Variants in MAD1L1 observed in about 807,000 individuals in gnomAD.
MAD1L1 encodes mitotic spindle assembly checkpoint protein MAD1.
MAD1L1 carries 95 observed loss-of-function variants against 96.9 expected under a neutral mutation model. The observed-to-expected ratio is 0.98, with a 90% CI of 0.83 to 1.16. MAD1L1 has a LOEUF of 1.16. Among genes scored for constraint, MAD1L1 ranks in the 50% most tolerant of loss-of-function variants. The pLI, the probability that MAD1L1 is intolerant of heterozygous loss-of-function variation, is 0.00. For synonymous variants in MAD1L1, 473 were observed against 396.6 expected, an observed-to-expected ratio of 1.19 and a Z score of -2.29; for missense variants, 1,007 against 954.4, an observed-to-expected ratio of 1.06 and a Z score of -0.73.
intron 10 of MAD1L1, among the ~76,000 whole-genome samples, chr7:2,158,362 G>C (rs866615068): frequency 6.6e-6 from 1 of 152,170 alleles, no homozygotes; most frequent in Non-Finnish European, 1.5e-5. Context: ...AGAGGACTCC[G>C]AGGTGGAAAA....
intron 14 of MAD1L1, among the ~76,000 whole-genome samples, chr7:1,983,584 T>C (rs1177567211): frequency 6.6e-6 from 1 of 152,256 alleles, no homozygotes; most frequent in Non-Finnish European, 1.5e-5. Context: ...TAATTCTCAA[T>C]TTTTTAATTT....
intron 11 of MAD1L1, among the ~76,000 whole-genome samples, chr7:2,129,906 C>T (rs1339556158): frequency 6.6e-6 from 1 of 152,182 alleles, no homozygotes; most frequent in Non-Finnish European, 1.5e-5. Flanking sequence ...CTCATGGTTC[C>T]CATGGCACCC....
chr7:2,163,679 C>T (rs932936884), intron 10 of MAD1L1, among the ~76,000 whole-genome samples: 10 of 152,214 alleles, frequency 6.6e-5, no homozygotes, highest in Middle Eastern at 3.4e-3. Context: ...CACTTTTCTA[C>T]GTATAATGCA....
intron 17 of MAD1L1, among the ~76,000 whole-genome samples, chr7:1,904,118 C>G (rs370352143): frequency 8.3e-4 from 78 of 94,178 alleles, no homozygotes; most frequent in African/African-American, 9.7e-4. Flanking sequence ...CAAGATTGAT[C>G]AAGCACTGTT....
intron 12 of MAD1L1, among the ~76,000 whole-genome samples, chr7:2,068,113 G>A (rs370679544): frequency 3.1e-4 from 48 of 152,388 alleles, no homozygotes; most frequent in Non-Finnish European, 5.9e-4. Context: ...AGCTCCGGCT[G>A]AAAAGCCATG....
intron 11 of MAD1L1, among the ~76,000 whole-genome samples, chr7:2,141,500 T>C (rs1306697940): frequency 6.6e-6 from 1 of 152,154 alleles, no homozygotes; most frequent in African/African-American, 2.4e-5. Context: ...ACCGGGTCTA[T>C]GTCCCCCAAC....
At chr7:1,882,634 C>A (rs1235275526) in intron 18 of MAD1L1, among the ~76,000 whole-genome samples, 1 of 152,190 alleles carries the variant, frequency 6.6e-6, no homozygotes, top group Non-Finnish European at 1.5e-5. Flanking sequence ...AGGCCTGGAG[C>A]GTGAGCACCT....
rs1215673370 is a variant in MAD1L1, at chr7:2,097,870, T to C, written c.1074-28532A>G. 2.6e-5 allele frequency among the ~76,000 whole-genome samples: 4 copies of C among 152,346 alleles called. No homozygotes were observed. In the East Asian group the frequency reaches 7.7e-4, roughly 29 times the overall value. On this transcript the variant is annotated intron_variant, in intron 11 of 18. Coordinates refer to ENST00000265854, the MANE Select transcript of MAD1L1 (RefSeq NM_001013836.2). ...CATTCTGAGGCTCATGCCTGGGCAG[T>C]GTTCCTCAGCAAGGGACGAGGGCCG...
At chr7:2,102,446 GCTA>G (rs951011271) in intron 11 of MAD1L1, among the ~76,000 whole-genome samples, 6 of 77,086 alleles carry the variant, frequency 7.8e-5, no homozygotes, top group South Asian at 1.3e-3. Context: ...CACCACCACT[GCTA>G]CTGTCACCAC....
At chr7:1,962,437 T>C (rs1779992325) in intron 15 of MAD1L1, among the ~76,000 whole-genome samples, 1 of 152,194 alleles carries the variant, frequency 6.6e-6, no homozygotes, top group African/African-American at 2.4e-5. Flanking sequence ...GGATCATATA[T>C]AACAGAAAAC....
At chr7:2,155,743 T>C (rs1212003645) in intron 10 of MAD1L1, among the ~76,000 whole-genome samples, 1 of 152,184 alleles carries the variant, frequency 6.6e-6, no homozygotes, top group Non-Finnish European at 1.5e-5. Context: ...TTGGCTGTTG[T>C]GAATAATGCT....
chr7:2,111,419 C>T (rs958619489), intron 11 of MAD1L1, among the ~76,000 whole-genome samples: 10 of 152,114 alleles, frequency 6.6e-5, no homozygotes, highest in African/African-American at 2.2e-4. Context: ...GAGCGTGCCT[C>T]GGAATGAATG....
At chr7:1,935,459 A>ACTCCAGGAG (rs1778541993) in intron 17 of MAD1L1, among the ~76,000 whole-genome samples, 1 of 152,170 alleles carries the variant, frequency 6.6e-6, no homozygotes, top group Non-Finnish European at 1.5e-5. Flanking sequence ...ACCACCCGCT[A>ACTCCAGGAG]GCCAGCCACT....
chr7:2,113,707 C>T (rs916958785), intron 11 of MAD1L1, among the ~76,000 whole-genome samples: 1 of 152,190 alleles, frequency 6.6e-6, no homozygotes, highest in African/African-American at 2.4e-5. Context: ...CCGGAGTGAC[C>T]ACACCCGCAA....
At chr7:2,049,538 T>G (rs559534891) in intron 12 of MAD1L1, among the ~76,000 whole-genome samples, 101 of 152,210 alleles carry the variant, frequency 6.6e-4, no homozygotes, top group Middle Eastern at 3.4e-3. Context: ...AAAGAGGCGG[T>G]AGGAGGAAGG....
chr7:1,966,417 G>C (rs1434191802), intron 15 of MAD1L1, among the ~76,000 whole-genome samples: 1 of 152,152 alleles, frequency 6.6e-6, no homozygotes, highest in East Asian at 1.9e-4. Context: ...GTGCGGCGGA[G>C]AGGGGCCACA....
In MAD1L1 at chr7:1,846,835, G is replaced by A. The variant is rs144788919; in HGVS notation, c.1999-30607C>T. ...ACTCCGCCTGATGCAATTTGCGTGT[G>A]CAAGATGTGTGAAGTGCCTTTTCCA... On this transcript the variant is annotated intron_variant, in intron 18 of 18. Transcript: ENST00000265854. 2.8e-3 allele frequency: 592 copies of A among 213,826 alleles called. 3 individuals are homozygous for A. The highest frequency in any genetic ancestry group is 0.013 in the African/African-American group (559 of 42,092). The allele number at this position is 213,826 out of a possible 1,614,324, so 13.2% of individuals were successfully genotyped here.
At chr7:1,936,550 G>C in intron 17 of MAD1L1, 137 bp downstream of exon 17, 2 of 898,846 alleles carry the variant, frequency 2.2e-6, no homozygotes, top group Non-Finnish European at 3.3e-6. Context: ...GCAACCACCA[G>C]ACCCGGCTGC....
chr7:1,852,131 G>C (rs539591359), intron 18 of MAD1L1, among the ~76,000 whole-genome samples: 5 of 152,230 alleles, frequency 3.3e-5, no homozygotes, highest in African/African-American at 1.2e-4. Context: ...GGGGCAGAGC[G>C]GGTCGGGGAG....
Sources: gnomAD v4.1 joint callset for allele counts (sites outside exome capture counted in the v4.1 genomes callset) on GRCh38, gnomAD v4.1.1 for gene constraint, MANE v1.5 for transcripts, NCBI Gene and HGNC (gene_info 2026-07-23, HGNC 2026-07-21) for gene names.